Variants in PABPC4L observed in about 807,000 individuals in gnomAD.
PABPC4L encodes polyadenylate-binding protein 4-like.
For missense variants in PABPC4L, 452 were observed against 451.4 expected (o/e 1.00, Z -0.01); for synonymous variants, 169 against 164.1 (o/e 1.03, Z -0.23).
At chr4:134,121,356 T>C in the PABPC4L span, among the ~76,000 whole-genome samples, 7 of 151,644 alleles carry the variant, frequency 4.6e-5, no homozygotes, top group Non-Finnish European at 8.9e-5. Flanking sequence ...TTTTATTGAA[T>C]GTTGAACATT....
At chr4:134,130,354 A>T in the PABPC4L span, among the ~76,000 whole-genome samples, 1 of 152,106 alleles carries the variant, frequency 6.6e-6, no homozygotes, top group Non-Finnish European at 1.5e-5. Flanking sequence ...AGACACTACA[A>T]CTGATTCCAC....
At chr4:134,025,909 A>T in the PABPC4L span, among the ~76,000 whole-genome samples, 1 of 152,180 alleles carries the variant, frequency 6.6e-6, no homozygotes, top group Non-Finnish European at 1.5e-5. Context: ...AAGGTAGGGC[A>T]TGGTATTTCA....
chr4:134,186,574 A>G, the PABPC4L span, among the ~76,000 whole-genome samples: 1 of 152,180 alleles, frequency 6.6e-6, no homozygotes, highest in Non-Finnish European at 1.5e-5. Context: ...TGTTAGACCT[A>G]AAACCATAAA....
chr4:134,155,956 T>G, the PABPC4L span, among the ~76,000 whole-genome samples: 1 of 152,090 alleles, frequency 6.6e-6, no homozygotes, highest in South Asian at 2.1e-4. Flanking sequence ...AATGTTGAAT[T>G]ATAGTTTGTC....
the PABPC4L span, among the ~76,000 whole-genome samples, chr4:133,951,301 C>T: frequency 6.6e-6 from 1 of 152,076 alleles, no homozygotes; most frequent in Non-Finnish European, 1.5e-5. Flanking sequence ...CTCTCTTTTC[C>T]ATAAGAAACT....
chr4:134,129,798 G>A, the PABPC4L span, among the ~76,000 whole-genome samples: 1 of 152,176 alleles, frequency 6.6e-6, no homozygotes, highest in Admixed American at 6.5e-5. Context: ...GCTGGATGCA[G>A]TGGCTCACAC....
the PABPC4L span, among the ~76,000 whole-genome samples, chr4:134,140,155 G>A: frequency 6.6e-6 from 1 of 151,664 alleles, no homozygotes; most frequent in Admixed American, 6.6e-5. Context: ...CTAACCTAAA[G>A]CATGAAGACC....
the PABPC4L span, among the ~76,000 whole-genome samples, chr4:133,959,492 G>A: frequency 6.6e-6 from 1 of 152,172 alleles, no homozygotes; most frequent in East Asian, 1.9e-4. Flanking sequence ...TGACCCAAGA[G>A]AGAGCTTACC....
chr4:134,015,105 C>T, the PABPC4L span, among the ~76,000 whole-genome samples: 5 of 152,058 alleles, frequency 3.3e-5, no homozygotes, highest in African/African-American at 1.2e-4. Context: ...GATCATGCAA[C>T]CCTTACCATC....
the PABPC4L span, among the ~76,000 whole-genome samples, chr4:134,082,804 T>TG: frequency 2.0e-4 from 31 of 151,932 alleles, no homozygotes; most frequent in Admixed American, 2.0e-3. Flanking sequence ...AAGATCCTAC[T>TG]GAAAAAAAAA....
chr4:133,967,533 A>T, the PABPC4L span, among the ~76,000 whole-genome samples: 1 of 152,106 alleles, frequency 6.6e-6, no homozygotes, highest in East Asian at 1.9e-4. Flanking sequence ...GAGAAGAGAG[A>T]CCTCAGAACA....
At chr4:134,116,124 A>C in the PABPC4L span, among the ~76,000 whole-genome samples, 6 of 151,958 alleles carry the variant, frequency 3.9e-5, no homozygotes, top group East Asian at 1.2e-3. Context: ...ATTAATAGGC[A>C]GAAGCTGCAT....
At chr4:134,131,509 T>TA in the PABPC4L span, among the ~76,000 whole-genome samples, 1 of 151,832 alleles carries the variant, frequency 6.6e-6, no homozygotes, top group African/African-American at 2.4e-5. Context: ...GAAAGACCTC[T>TA]ACAGGGACAA....
chr4:134,053,019 T>A, the PABPC4L span, among the ~76,000 whole-genome samples: 3 of 152,094 alleles, frequency 2.0e-5, no homozygotes, highest in Non-Finnish European at 4.4e-5. Flanking sequence ...TTGTCTTGAC[T>A]GTCTATAACC....
rs1729748422 is a variant in PABPC4L, at chr4:134,198,814, C to G, written c.*1093G>C. 1 of 151,842 alleles carries G rather than the reference C, an allele frequency of 6.6e-6. No individual in the cohort carries two copies. The highest frequency in any genetic ancestry group is 1.5e-5 in the Non-Finnish European group (1 of 67,818). The allele number at this position is 151,842 out of a possible 1,614,324, so 9.4% of individuals were successfully genotyped here. ...CTAAACTAAAAATTATGCTAGAAAACAGAATAAGTGATGTAACTTCAATTC... is the reference window on the plus strand; with the variant it reads ...CTAAACTAAAAATTATGCTAGAAAAGAGAATAAGTGATGTAACTTCAATTC... On this transcript the variant is annotated 3_prime_UTR_variant, in exon 2 of 2. Coordinates refer to ENST00000421491, the MANE Select transcript of PABPC4L (RefSeq NM_001114734.2).
At chr4:133,954,886 A>G in the PABPC4L span, among the ~76,000 whole-genome samples, 4 of 152,278 alleles carry the variant, frequency 2.6e-5, no homozygotes, top group East Asian at 7.7e-4. Flanking sequence ...GGAGAGAAAG[A>G]TGGAGAATTT....
chr4:134,112,757 T>C, the PABPC4L span, among the ~76,000 whole-genome samples: 1 of 152,132 alleles, frequency 6.6e-6, no homozygotes, highest in Non-Finnish European at 1.5e-5. Flanking sequence ...GTGATTTTAC[T>C]ATTCTATGCT....
At chr4:134,174,791 C>A in the PABPC4L span, among the ~76,000 whole-genome samples, 1 of 151,924 alleles carries the variant, frequency 6.6e-6, no homozygotes, top group Non-Finnish European at 1.5e-5. Flanking sequence ...TCATTTATTT[C>A]TAAGATGACC....
chr4:133,963,491 A>G, the PABPC4L span, among the ~76,000 whole-genome samples: 2 of 152,150 alleles, frequency 1.3e-5, no homozygotes. Context: ...GAATGAATGG[A>G]CTTAAGAGAT....
Sources: gnomAD v4.1 joint callset for allele counts (sites outside exome capture counted in the v4.1 genomes callset) on GRCh38, gnomAD v4.1.1 for gene constraint, MANE v1.5 for transcripts, NCBI Gene and HGNC (gene_info 2026-07-23, HGNC 2026-07-21) for gene names.